Variants in DSP observed in about 807,000 individuals in gnomAD.
The protein encoded by DSP is desmoplakin.
DSP carries 114 observed loss-of-function variants against 290.6 expected under a neutral mutation model. The ratio of observed to expected loss-of-function variants is 0.39; its 90% CI spans 0.34 to 0.46. The LOEUF (loss-of-function observed/expected upper bound fraction) is 0.46. DSP is among the 20% of genes least tolerant of loss of function. The pLI is 0.99. For synonymous variants in DSP, 1,311 were observed against 1,316.4 expected (o/e 1.00, Z 0.09); for missense variants, 3,230 against 3,495.8 (o/e 0.92, Z 1.92).
rs557017268 is a variant in DSP, at chr6:7,544,286, T to C, written c.170+2201T>C. 1.4e-3 allele frequency among the ~76,000 whole-genome samples: 206 copies of C among 152,320 alleles called. 2 individuals are homozygous for C. Among genetic ancestry groups the C allele is most frequent in the African/African-American group, 4.8e-3 (198 of 41,566 alleles). ...ATAGCGACCGCCTGAAGGCAGGGCA[T>C]GTCGCAGTTTTTCTGGTGGCATTCT... is the stretch of plus-strand genomic sequence containing the variant. On this transcript the variant is annotated intron_variant, in intron 1 of 23. Coordinates refer to ENST00000379802, the MANE Select transcript of DSP (RefSeq NM_004415.4).
chr6:7,578,369 A>G lies in DSP; in HGVS notation c.2986-95A>G, dbSNP rs1347131827. On this transcript the variant is annotated intron_variant, in intron 21 of 23. Coordinates refer to ENST00000379802, the MANE Select transcript of DSP (RefSeq NM_004415.4). ...CTAAAGAAGAGAATTCACTCTTTAT[A>G]ATTTCACTATTTTAGAAAACAAAAT... 3.8e-6 allele frequency: 4 copies of G among 1,049,410 alleles called. No individual in the cohort carries two copies. In the African/African-American group the frequency reaches 6.4e-5, roughly 17 times the overall value. 65.0% of individuals were successfully genotyped at this position (1,049,410 alleles called of 1,614,324 possible).
chr6:7,569,763 G>C (rs1272148170), intron 12 of DSP, among the ~76,000 whole-genome samples: 1 of 151,548 alleles, frequency 6.6e-6, no homozygotes, highest in South Asian at 2.1e-4. Flanking sequence ...GAACCTGGGA[G>C]GGGGAGGTTG....
rs1011299535 is a variant in DSP at position 7,567,511 on chromosome 6, T to A, written c.1140+62T>A. On this transcript the variant is annotated intron_variant, in intron 9 of 23. Transcript: ENST00000379802. ...GTCTTAATACCTAATCTTTTGAGTGTGTTTTATAAAGCACTGAAAATAATC... is the reference window on the plus strand; with the variant it reads ...GTCTTAATACCTAATCTTTTGAGTGAGTTTTATAAAGCACTGAAAATAATC... 4.3e-6 allele frequency: 6 copies of A among 1,393,570 alleles called. No homozygotes were observed. The Admixed American group carries it at 1.0e-4, about 23-fold the overall frequency. 86.3% of individuals were successfully genotyped at this position (1,393,570 alleles called of 1,614,324 possible). A position where few individuals can be genotyped will look rare whatever the true frequency, so the allele number is the denominator to read the frequency against.
chr6:7,575,727 G>A (rs1759221907), intron 18 of DSP, among the ~76,000 whole-genome samples: 1 of 152,218 alleles, frequency 6.6e-6, no homozygotes, highest in South Asian at 2.1e-4. Flanking sequence ...TAGAGAAACG[G>A]CAGAAGCCCT....
chr6:7,573,723 G>T (rs4960330), intron 15 of DSP, among the ~76,000 whole-genome samples: 77,532 of 151,896 alleles, frequency 0.51, 19,865 homozygotes, highest in East Asian at 0.58. Flanking sequence ...GTTGAATGCA[G>T]GGAAACAGAG....
intron 1 of DSP, among the ~76,000 whole-genome samples, chr6:7,546,348 T>C (rs1242127712): frequency 6.6e-6 from 1 of 152,236 alleles, no homozygotes; most frequent in Admixed American, 6.5e-5. Flanking sequence ...TAGCTTAATA[T>C]ACGGCAGGTA....
intron 1 of DSP, among the ~76,000 whole-genome samples, chr6:7,546,902 T>C (rs1411325189): frequency 6.6e-6 from 1 of 152,196 alleles, no homozygotes; most frequent in Admixed American, 6.5e-5. Flanking sequence ...GGGCATAATT[T>C]CATTGTTCAG....
At position 7,580,716 on chromosome 6, in the gene DSP, G is replaced by A. The variant is rs577061462; in HGVS notation, c.4526G>A (p.Arg1509Lys). ...CLEDENARLQ[R>K]VQYDLQKANS... ...GAAGATGAAAACGCGAGATTACAAA[G>A]GGTCCAGTATGACCTGCAGAAAGCA... The change falls in exon 23 of 24, where the codon AGG becomes AAG. Residue 1509 changes from arginine to lysine, a missense_variant. Arg to Lys is a conservative substitution (Grantham distance 26). This residue lies in a region of DSP where 1,714 missense variants were observed against 1,844.5 expected (regional missense o/e 0.93). Transcript: ENST00000379802. This position sits in a 1 kb window ranked among gnomAD's most constrained non-coding sequence, Gnocchi z 4.2. The A allele has an allele frequency of 8.9e-5, 143 of 1,613,972 alleles. 1 individual carries two copies. In the South Asian group the frequency reaches 1.5e-3, roughly 17 times the overall value.
Position 7,570,428 on chromosome 6 carries a change from G to T in DSP, c.1575-9G>T. The T allele has an allele frequency of 1.2e-6, 2 of 1,614,136 alleles. No homozygotes were observed. The highest frequency in any genetic ancestry group is 1.7e-6 in the Non-Finnish European group (2 of 1,180,040). On this transcript the variant is annotated splice_polypyrimidine_tract_variant and intron_variant, in intron 12 of 23. Transcript: ENST00000379802. Reference sequence around the variant, plus strand: ...TGGCTCTAGCATGTTTTCCCTTTGTGCCTCTTAGGATTGAGCAGTACTACG... The same window carrying T: ...TGGCTCTAGCATGTTTTCCCTTTGTTCCTCTTAGGATTGAGCAGTACTACG...
At chr6:7,566,321 T>A (rs1308200686) in intron 7 of DSP, 56 bp from the exon 8 acceptor site, 1 of 1,364,160 alleles carries the variant, frequency 7.3e-7, no homozygotes, top group Non-Finnish European at 1.0e-6. Context: ...ACTGTGGGGG[T>A]GATGGAAGTT....
At chr6:7,573,971 A>C in intron 15 of DSP, 115 bp from the exon 16 acceptor site, 2 of 1,113,690 alleles carry the variant, frequency 1.8e-6, no homozygotes, top group Non-Finnish European at 2.7e-6. Flanking sequence ...TACTTACCTG[A>C]TGTAATCATT....
Position 7,585,444 on chromosome 6 carries a change from G to C in DSP, c.8182G>C (p.Glu2728Gln). Reference sequence around the variant, plus strand: ...GTATGAGGCTGGCCAGCGCTTCCTGGAGTTCCAGTACCTCACGGGAGGTCT... The same window carrying C: ...GTATGAGGCTGGCCAGCGCTTCCTGCAGTTCCAGTACCTCACGGGAGGTCT... ...LPYEAGQRFL[E>Q]FQYLTGGLVD... Residue 2728 changes from glutamate (E) to glutamine (Q), a missense_variant, in exon 24 of 24, where the codon GAG (glutamate) becomes CAG (glutamine). Physicochemically the swap from Glu to Gln is conservative, Grantham distance 29 (BLOSUM62 2). This residue lies in a region of DSP where 582 missense variants were observed against 555.4 expected (regional missense o/e 1.05). Transcript: ENST00000379802. 6.2e-7 allele frequency: 1 copy of C among 1,614,152 alleles called. No individual in the cohort carries two copies. The highest frequency in any genetic ancestry group is 8.5e-7 in the Non-Finnish European group (1 of 1,180,028).
In DSP at chr6:7,585,416, C is replaced by G; in HGVS notation, c.8154C>G (p.Leu2718=). The change falls in exon 24 of 24, where the codon CTC becomes CTG. Residue 2718 remains leucine, a synonymous_variant. Coordinates refer to ENST00000379802, the MANE Select transcript of DSP (RefSeq NM_004415.4). ...SAAEAVKEKW[L]PYEAGQRFLE... ...CAGAGGCAGTGAAAGAAAAATGGCT[C>G]CCGTATGAGGCTGGCCAGCGCTTCC... 1 of 1,614,100 alleles carries G rather than the reference C, an allele frequency of 6.2e-7. No homozygotes were observed. The highest frequency in any genetic ancestry group is 8.5e-7 in the Non-Finnish European group (1 of 1,180,018).
chr6:7,573,117 AATG>A (rs933409951), intron 15 of DSP, among the ~76,000 whole-genome samples: 2 of 144,630 alleles, frequency 1.4e-5, no homozygotes, highest in African/African-American at 5.0e-5. Context: ...TTTAAAAAAA[AATG>A]TGTGTGTGTG....
At position 7,583,117 on chromosome 6, in the gene DSP, AGACCCAGACTGAGTGTGAGTG is replaced by A; in HGVS notation, c.5860_5880del (p.Gln1954_Thr1960del). On this transcript the variant is annotated inframe_deletion, in exon 24 of 24. Transcript: ENST00000379802. The surrounding 1 kb of genome is among the most constrained non-coding windows in gnomAD (Gnocchi z 4.0). ...CAGCGCCCATATGGGTCCCATCGAG[AGACCCAGACTGAGTGTGAGTG>A]GACCGTTGACACCTCCAAGCTGGTG... The A allele has an allele frequency of 6.2e-7, 1 of 1,614,094 alleles. No homozygotes were observed. Among genetic ancestry groups the A allele is most frequent in the Non-Finnish European group, 8.5e-7 (1 of 1,180,020 alleles).
intron 1 of DSP, among the ~76,000 whole-genome samples, chr6:7,548,151 C>A (rs1758222179): frequency 6.6e-6 from 1 of 151,774 alleles, no homozygotes; most frequent in South Asian, 2.1e-4. Flanking sequence ...CCTGTAGTCG[C>A]AACTGCTCAG....
intron 4 of DSP, among the ~76,000 whole-genome samples, chr6:7,560,197 A>G (rs1358135718): frequency 1.3e-5 from 2 of 152,168 alleles, no homozygotes; most frequent in African/African-American, 4.8e-5. Context: ...TTGTGGAGAG[A>G]TTGTTATGCA....
chr6:7,568,414 T>G, intron 10 of DSP, 23 bp from the exon 11 acceptor site: 1 of 1,613,650 alleles, frequency 6.2e-7, no homozygotes, highest in Non-Finnish European at 8.5e-7. Context: ...TATGTTTAAG[T>G]ATGATTTTAT....
At position 7,583,632 on chromosome 6, in the gene DSP, C is replaced by A; in HGVS notation, c.6370C>A (p.Leu2124Met). 6.2e-7 allele frequency: 1 copy of A among 1,614,124 alleles called. No homozygotes were observed. Among genetic ancestry groups the A allele is most frequent in the Non-Finnish European group, 8.5e-7 (1 of 1,180,038 alleles). The change falls in exon 24 of 24, where the codon CTG (leucine) becomes ATG (methionine). Residue 2124 changes from leucine to methionine, a missense_variant. By Grantham distance (15) the Leu-to-Met change is conservative. Transcript: ENST00000379802. The surrounding 1 kb of genome is among the most constrained non-coding windows in gnomAD (Gnocchi z 4.0). ...GATTGATAGAGAAACCGGAATGCGC[C>A]TGCTGGAAGCCCAGATTGCTTCAGG... Reference protein sequence around the residue: ...NLIDRETGMRLLEAQIASGGV... With the variant: ...NLIDRETGMRMLEAQIASGGV...
Sources: allele counts gnomAD v4.1 joint callset (sites outside exome capture counted in the v4.1 genomes callset), GRCh38; gene constraint gnomAD v4.1.1; regional missense constraint gnomAD v4.1.1; non-coding constraint Gnocchi (gnomAD v3.1); transcripts MANE v1.5; gene names NCBI Gene and HGNC (gene_info 2026-07-23, HGNC 2026-07-21).